The following EYS variants were observed in gnomAD, a reference collection of about 807,000 sequenced individuals.
The protein encoded by EYS is protein eyes shut homolog.
A neutral mutation model predicts 282.1 loss-of-function variants in EYS; 250 were observed. The ratio of observed to expected loss-of-function variants is 0.89; its 90% CI spans 0.80 to 0.98. The LOEUF (loss-of-function observed/expected upper bound fraction) is 0.98, where lower values mean the gene tolerates loss of function less well. Among genes scored for constraint, EYS ranks in the 50% least tolerant of loss-of-function variants. The pLI is 0.00. For missense variants in EYS, 4,016 were observed against 3,709.0 expected, an observed-to-expected ratio of 1.08 and a Z score of -2.15; for synonymous variants, 1,355 against 1,282.9, an observed-to-expected ratio of 1.06 and a Z score of -1.20.
intron 33 of EYS, among the ~76,000 whole-genome samples, chr6:64,057,903 C>T (rs186876047): frequency 6.6e-6 from 1 of 152,218 alleles, no homozygotes; most frequent in African/African-American, 2.4e-5. Flanking sequence ...ACGACCTTGG[C>T]TCACTGCAGC....
intron 2 of EYS, among the ~76,000 whole-genome samples, chr6:65,502,610 T>C (rs996443042): frequency 4.0e-5 from 6 of 151,650 alleles, no homozygotes; most frequent in African/African-American, 1.4e-4. Context: ...TTACATTATG[T>C]TCCCTTTTCT....
chr6:64,925,063 G>A (rs1244338152), intron 15 of EYS, among the ~76,000 whole-genome samples: 1 of 152,114 alleles, frequency 6.6e-6, no homozygotes, highest in Non-Finnish European at 1.5e-5. Flanking sequence ...AGATATACCC[G>A]AGACTGGGAA....
At chr6:64,300,370 T>G (rs1056687700) in intron 30 of EYS, among the ~76,000 whole-genome samples, 2 of 152,126 alleles carry the variant, frequency 1.3e-5, no homozygotes, top group Non-Finnish European at 1.5e-5. Flanking sequence ...ATGGCAAAAT[T>G]TCTTGTGTTT....
intron 35 of EYS, among the ~76,000 whole-genome samples, chr6:63,937,690 T>C (rs1765115033): frequency 6.6e-6 from 1 of 152,042 alleles, no homozygotes; most frequent in Admixed American, 6.6e-5. Context: ...CAGGCTTCCC[T>C]CTTAATGAAA....
chr6:65,217,060 A>G (rs1346651873), intron 12 of EYS, among the ~76,000 whole-genome samples: 6 of 152,110 alleles, frequency 3.9e-5, no homozygotes. Context: ...CTTATGGTCC[A>G]TTAAGCAAGA....
intron 22 of EYS, among the ~76,000 whole-genome samples, chr6:64,652,556 A>C (rs958531476): frequency 6.6e-6 from 1 of 151,910 alleles, no homozygotes; most frequent in Non-Finnish European, 1.5e-5. Context: ...CCCAACAAAC[A>C]CTCTGATTTT....
chr6:64,403,356 A>T (rs547212418), intron 28 of EYS, among the ~76,000 whole-genome samples: 13 of 152,102 alleles, frequency 8.5e-5, no homozygotes, highest in African/African-American at 3.1e-4. Context: ...TAAAAAAAAC[A>T]AAGTAATTTT....
intron 33 of EYS, among the ~76,000 whole-genome samples, chr6:64,053,115 C>G (rs986176942): frequency 2.6e-5 from 4 of 151,884 alleles, no homozygotes; most frequent in African/African-American, 9.7e-5. Context: ...GTAAAAATAA[C>G]TTTTTCTACC....
At chr6:65,681,781 C>T (rs563612379) in intron 1 of EYS, among the ~76,000 whole-genome samples, 3 of 152,032 alleles carry the variant, frequency 2.0e-5, no homozygotes, top group South Asian at 4.1e-4. Context: ...TGACTTCCTT[C>T]GCCCTTTGAG....
At chr6:64,360,660 G>T (rs1331352151) in intron 29 of EYS, among the ~76,000 whole-genome samples, 1 of 151,686 alleles carries the variant, frequency 6.6e-6, no homozygotes. Context: ...GGAAAAATTT[G>T]TTTCTCTCTT....
chr6:64,132,318 G>A (rs1482435075), intron 31 of EYS, among the ~76,000 whole-genome samples: 1 of 151,916 alleles, frequency 6.6e-6, no homozygotes, highest in East Asian at 1.9e-4. Flanking sequence ...AGTTATCTTG[G>A]TGAAGGGACA....
chr6:64,741,427 G>A (rs951936084), intron 22 of EYS, among the ~76,000 whole-genome samples: 3 of 152,064 alleles, frequency 2.0e-5, no homozygotes, highest in South Asian at 2.1e-4. Flanking sequence ...AGGGCCTTAC[G>A]ATTTTTGGAA....
At chr6:63,751,150 C>T (rs2149648413) in intron 41 of EYS, among the ~76,000 whole-genome samples, 1 of 152,190 alleles carries the variant, frequency 6.6e-6, no homozygotes, top group East Asian at 1.9e-4. Flanking sequence ...GAGCGTTGTT[C>T]TTTAAGATGG....
chr6:65,121,637 C>G (rs759344634), intron 12 of EYS, among the ~76,000 whole-genome samples: 9 of 152,114 alleles, frequency 5.9e-5, no homozygotes, highest in Non-Finnish European at 1.0e-4. Flanking sequence ...ATGATCAGCT[C>G]TGGAGCATGT....
chr6:65,302,086 T>C (rs1768855482), intron 11 of EYS, among the ~76,000 whole-genome samples: 1 of 152,286 alleles, frequency 6.6e-6, no homozygotes, highest in Non-Finnish European at 1.5e-5. Context: ...AGTTCATCTT[T>C]AAATGAACTC....
intron 33 of EYS, among the ~76,000 whole-genome samples, chr6:64,010,172 A>T (rs1384857685): frequency 6.6e-6 from 1 of 152,126 alleles, no homozygotes; most frequent in Non-Finnish European, 1.5e-5. Flanking sequence ...CGCTCCGGTG[A>T]AGGGGAGCTG....
At chr6:64,165,448 TA>T (rs1764261304) in intron 31 of EYS, among the ~76,000 whole-genome samples, 1 of 152,160 alleles carries the variant, frequency 6.6e-6, no homozygotes, top group Non-Finnish European at 1.5e-5. Context: ...TTATGTATAC[TA>T]AAAATGTACA....
intron 14 of EYS, among the ~76,000 whole-genome samples, chr6:64,982,247 C>T (rs945131796): frequency 6.0e-5 from 9 of 151,102 alleles, no homozygotes; most frequent in Non-Finnish European, 1.2e-4. Context: ...TTGAAGATAG[C>T]AACAAAGTTT....
intron 8 of EYS, among the ~76,000 whole-genome samples, chr6:65,371,514 G>A (rs1299408099): frequency 6.7e-6 from 1 of 149,926 alleles, no homozygotes; most frequent in Non-Finnish European, 1.5e-5. Flanking sequence ...AAATTTGGGT[G>A]TAAATGCTCA....
Sources: allele counts gnomAD v4.1 joint callset (sites outside exome capture counted in the v4.1 genomes callset), GRCh38; gene constraint gnomAD v4.1.1; transcripts MANE v1.5; gene names NCBI Gene and HGNC (gene_info 2026-07-23, HGNC 2026-07-21).